Variants in CPAP observed in about 807,000 individuals in gnomAD.
CPAP encodes centrosome assembly and centriole elongation protein.
At chr13:24,883,130 T>C in the CPAP span, 1 of 1,478,572 alleles carries the variant, frequency 6.8e-7, no homozygotes. Flanking sequence ...GTACATTTTT[T>C]AACATAAAAA....
chr13:24,909,064 TAAC>T, the CPAP span, among the ~76,000 whole-genome samples: 7 of 152,302 alleles, frequency 4.6e-5, no homozygotes, highest in Middle Eastern at 3.4e-3. Flanking sequence ...AGCAAAATAT[TAAC>T]TGCTCAATCT....
chr13:24,899,303 G>T, the CPAP span: 1 of 756,962 alleles, frequency 1.3e-6, no homozygotes, highest in Non-Finnish European at 2.2e-6. Context: ...TTTGCTGAAT[G>T]AATGAATAAT....
At chr13:24,931,987 G>A in the CPAP span, among the ~76,000 whole-genome samples, 1 of 152,192 alleles carries the variant, frequency 6.6e-6, no homozygotes, top group Admixed American at 6.5e-5. Context: ...GCCTGAGGCC[G>A]GGTCCCGCTC....
chr13:24,885,219 T>G, the CPAP span: 2 of 1,177,332 alleles, frequency 1.7e-6, no homozygotes, highest in Non-Finnish European at 1.3e-6. Flanking sequence ...GTGTTTCAAC[T>G]ATTTTAACCC....
At chr13:24,922,368 T>C in the CPAP span, among the ~76,000 whole-genome samples, 1 of 152,164 alleles carries the variant, frequency 6.6e-6, no homozygotes, top group South Asian at 2.1e-4. Context: ...CACACGAAGC[T>C]TCAAGAGAGA....
chr13:24,926,115 C>A, the CPAP span, among the ~76,000 whole-genome samples: 1 of 152,192 alleles, frequency 6.6e-6, no homozygotes, highest in Admixed American at 6.5e-5. Flanking sequence ...ACAGACCCAG[C>A]AACTGGTGCC....
chr13:24,912,151 CCCT>C, the CPAP span: 5 of 1,280,844 alleles, frequency 3.9e-6, no homozygotes, highest in Admixed American at 1.7e-5. Flanking sequence ...CCTCCCATCT[CCCT>C]CCTCCTATCT....
chr13:24,885,410 C>G, the CPAP span: 69 of 1,502,578 alleles, frequency 4.6e-5, no homozygotes, highest in South Asian at 7.6e-4. Context: ...ACATTTCAAG[C>G]AGCTAAAACC....
the CPAP span, among the ~76,000 whole-genome samples, chr13:24,926,414 A>G: frequency 5.3e-5 from 8 of 152,356 alleles, 1 homozygote; most frequent in Admixed American, 5.2e-4. Flanking sequence ...AAGGCACGTT[A>G]GACCAAGAAC....
chr13:24,891,775 G>A, the CPAP span, among the ~76,000 whole-genome samples: 1 of 152,112 alleles, frequency 6.6e-6, no homozygotes, highest in Non-Finnish European at 1.5e-5. Flanking sequence ...AAATGCCCAT[G>A]TGCATGCTGC....
the CPAP span, chr13:24,883,420 T>C: frequency 7.1e-7 from 1 of 1,415,614 alleles, no homozygotes; most frequent in South Asian, 1.3e-5. Flanking sequence ...TAATAGAAAA[T>C]AAACAACAGA....
the CPAP span, among the ~76,000 whole-genome samples, chr13:24,930,109 G>A: frequency 3.3e-5 from 5 of 151,326 alleles, no homozygotes; most frequent in Non-Finnish European, 5.9e-5. Flanking sequence ...ATGGGGTCTC[G>A]CTATGTTGCC....
At chr13:24,904,024 T>C in the CPAP span, 21 of 1,613,948 alleles carry the variant, frequency 1.3e-5, no homozygotes, top group Non-Finnish European at 1.7e-5. Context: ...ATTCAATAAT[T>C]TTCTCTCTCA....
At chr13:24,883,272 C>T in the CPAP span, 1,755 of 1,613,904 alleles carry the variant, frequency 1.1e-3, 2 homozygotes, top group Non-Finnish European at 1.4e-3. Flanking sequence ...TTTGCATATA[C>T]GGTTTTAACA....
the CPAP span, chr13:24,883,903 G>A: frequency 1.2e-6 from 2 of 1,609,104 alleles, no homozygotes; most frequent in South Asian, 1.1e-5. Flanking sequence ...GGCACCTTCT[G>A]AGCACAGATG....
At chr13:24,908,112 A>AT in the CPAP span, 1 of 1,611,386 alleles carries the variant, frequency 6.2e-7, no homozygotes, top group Non-Finnish European at 8.5e-7. Context: ...TTCTCCCAAC[A>AT]TAAGATACTT....
At chr13:24,924,450 C>A in the CPAP span, among the ~76,000 whole-genome samples, 3 of 152,154 alleles carry the variant, frequency 2.0e-5, no homozygotes, top group Admixed American at 1.3e-4. Flanking sequence ...TCTTAACTGG[C>A]TGTTAAATTA....
the CPAP span, chr13:24,906,739 T>C: frequency 6.2e-7 from 1 of 1,614,166 alleles, no homozygotes; most frequent in African/African-American, 1.3e-5. Context: ...TAGGGTTGTC[T>C]GCACACAGCT....
the CPAP span, chr13:24,910,215 A>G: frequency 1.1e-6 from 1 of 875,084 alleles, no homozygotes; most frequent in Non-Finnish European, 1.8e-6. Flanking sequence ...TTATTAGGAA[A>G]TGGTGTTTAA....
Sources: allele counts gnomAD v4.1 joint callset (sites outside exome capture counted in the v4.1 genomes callset), GRCh38; gene constraint gnomAD v4.1.1; transcripts MANE v1.5; gene names NCBI Gene and HGNC (gene_info 2026-07-23, HGNC 2026-07-21).